The following PTPRG variants were observed in gnomAD, a reference collection of about 807,000 sequenced individuals.
PTPRG encodes protein tyrosine phosphatase receptor type G, also known as receptor-type tyrosine-protein phosphatase gamma.
In PTPRG, 102 loss-of-function variants were observed where a neutral mutation model predicts 165.3. That is an observed-to-expected ratio of 0.62 (90% CI 0.53 to 0.73). The LOEUF (loss-of-function observed/expected upper bound fraction) is 0.73. Ranked by LOEUF, PTPRG falls within the 30% of genes least tolerant of loss-of-function variation. PTPRG has a pLI of 0.00. For missense variants in PTPRG, 1,866 were observed against 1,861.4 expected (o/e 1.00, Z -0.05); for synonymous variants, 675 against 669.5 (o/e 1.01, Z -0.13).
chr3:61,847,937 G>A (rs1338817517), intron 2 of PTPRG, among the ~76,000 whole-genome samples: 3 of 152,168 alleles, frequency 2.0e-5, no homozygotes. Flanking sequence ...CTTCCCTTTG[G>A]ATCCAGCTTG....
At chr3:61,968,964 A>G (rs2040330248) in intron 2 of PTPRG, among the ~76,000 whole-genome samples, 1 of 152,196 alleles carries the variant, frequency 6.6e-6, no homozygotes, top group Non-Finnish European at 1.5e-5. Flanking sequence ...ATTTTACTGA[A>G]CAGATGATGT....
chr3:62,133,766 C>G (rs953080026), intron 6 of PTPRG, among the ~76,000 whole-genome samples: 1 of 152,052 alleles, frequency 6.6e-6, no homozygotes, highest in East Asian at 1.9e-4. Flanking sequence ...GGGTGGATCA[C>G]CTGAAGTCGA....
chr3:61,991,723 C>T (rs1473431467), intron 3 of PTPRG, among the ~76,000 whole-genome samples: 2 of 152,216 alleles, frequency 1.3e-5, no homozygotes, highest in African/African-American at 4.8e-5. Context: ...TGAGTACCAC[C>T]TCAGCACCAC....
intron 4 of PTPRG, among the ~76,000 whole-genome samples, chr3:62,049,437 T>C (rs1700401117): frequency 6.6e-6 from 1 of 152,234 alleles, no homozygotes; most frequent in Non-Finnish European, 1.5e-5. Context: ...CCATTTGAAA[T>C]ATTTCATTTG....
At chr3:61,848,916 A>T (rs2036880664) in intron 2 of PTPRG, among the ~76,000 whole-genome samples, 1 of 152,232 alleles carries the variant, frequency 6.6e-6, no homozygotes, top group African/African-American at 2.4e-5. Context: ...GAGGAAACTG[A>T]AGTTCAGGGA....
chr3:62,020,191 T>C (rs2041656207), intron 4 of PTPRG, among the ~76,000 whole-genome samples: 1 of 152,182 alleles, frequency 6.6e-6, no homozygotes, highest in South Asian at 2.1e-4. Context: ...GCTTTATCAC[T>C]TTGCATATTG....
rs746816776 is a variant in PTPRG, at chr3:61,595,198, TCC to T, written c.85+32827_85+32828del. Among the ~76,000 whole-genome samples the T allele has an allele frequency of 9.7e-4, 148 of 152,124 alleles. 1 individual carries two copies. Among genetic ancestry groups the T allele is most frequent in the South Asian group, 4.8e-3 (23 of 4,824 alleles). ...CAAGATGTGTTTGTTTTTTTTTTTTTCCTTTGTACTCTGAATGTGGGAACTTA... is the reference window on the plus strand; with the variant it reads ...CAAGATGTGTTTGTTTTTTTTTTTTTTTTGTACTCTGAATGTGGGAACTTA... On this transcript the variant is annotated intron_variant, in intron 1 of 29. Coordinates refer to ENST00000474889, the MANE Select transcript of PTPRG (RefSeq NM_002841.4).
At chr3:61,723,090 C>T (rs1234225347) in intron 1 of PTPRG, among the ~76,000 whole-genome samples, 1 of 152,008 alleles carries the variant, frequency 6.6e-6, no homozygotes, top group Non-Finnish European at 1.5e-5. Flanking sequence ...TTCTGATTTC[C>T]TGTCTCCTTT....
chr3:62,191,009 C>T (rs1036390529), intron 8 of PTPRG, among the ~76,000 whole-genome samples: 3 of 152,180 alleles, frequency 2.0e-5, no homozygotes, highest in Admixed American at 6.5e-5. Flanking sequence ...AGAGGAGAAG[C>T]GTCAGAATGC....
Position 62,188,502 on chromosome 3 carries a change from C to T in PTPRG, c.1034-2967C>T, listed in dbSNP as rs368022647. 1.3e-5 allele frequency among the ~76,000 whole-genome samples: 2 copies of T among 152,184 alleles called. 1 individual carries two copies. Among genetic ancestry groups the T allele is most frequent in the South Asian group, 4.1e-4 (2 of 4,832 alleles). On this transcript the variant is annotated intron_variant, in intron 8 of 29. Transcript: ENST00000474889. ...GTTGGAGTCCCAGAATGTTCACAAT[C>T]GTTTTCTCTGGGCACTGAGATTTGG...
At chr3:62,062,818 A>G (rs1298704595) in intron 4 of PTPRG, among the ~76,000 whole-genome samples, 1 of 152,110 alleles carries the variant, frequency 6.6e-6, no homozygotes, top group Non-Finnish European at 1.5e-5. Context: ...ATGTGCCACC[A>G]TGCCCAGTTA....
chr3:61,643,129 T>A (rs997576829), intron 1 of PTPRG, among the ~76,000 whole-genome samples: 1 of 152,160 alleles, frequency 6.6e-6, no homozygotes, highest in Non-Finnish European at 1.5e-5. Context: ...ATGGAAAACC[T>A]ACAGATTAAA....
chr3:62,282,045 GT>G (rs1312472923), intron 27 of PTPRG, among the ~76,000 whole-genome samples: 1 of 151,984 alleles, frequency 6.6e-6, no homozygotes, highest in African/African-American at 2.4e-5. Context: ...GTTTTTTTAA[GT>G]AAATATTTTG....
At chr3:62,029,268 A>G (rs1035874932) in intron 4 of PTPRG, among the ~76,000 whole-genome samples, 20 of 152,218 alleles carry the variant, frequency 1.3e-4, no homozygotes, top group African/African-American at 4.8e-4. Context: ...GGACTAACAC[A>G]GGTCCGAGTT....
At position 61,653,645 on chromosome 3, in the gene PTPRG, G is replaced by A. The variant is rs1246888366; in HGVS notation, c.85+91273G>A. Among the ~76,000 whole-genome samples, 3 of 152,246 alleles carry A rather than the reference G, an allele frequency of 2.0e-5. No individual in the cohort carries two copies. In the East Asian group the frequency reaches 5.8e-4, roughly 29 times the overall value. ...TAGCTAAATCATTGCATATGTCTTT[G>A]TTTTGTTAGGATTCGTCGTGCCCTG... On this transcript the variant is annotated intron_variant, in intron 1 of 29. Coordinates refer to ENST00000474889, the MANE Select transcript of PTPRG (RefSeq NM_002841.4).
intron 2 of PTPRG, among the ~76,000 whole-genome samples, chr3:61,926,781 T>A (rs1450416881): frequency 6.6e-6 from 1 of 152,092 alleles, no homozygotes; most frequent in East Asian, 1.9e-4. Flanking sequence ...GTACATTTTA[T>A]GGTGTTTAGT....
At chr3:61,700,301 G>C (rs1450513881) in intron 1 of PTPRG, among the ~76,000 whole-genome samples, 1 of 152,114 alleles carries the variant, frequency 6.6e-6, no homozygotes, top group Non-Finnish European at 1.5e-5. Context: ...ATCCAGATCT[G>C]TTTTCTTCTT....
At chr3:62,171,193 C>G (rs893155777) in intron 8 of PTPRG, among the ~76,000 whole-genome samples, 12 of 152,090 alleles carry the variant, frequency 7.9e-5, no homozygotes, top group African/African-American at 2.9e-4. Flanking sequence ...AGATTATTTT[C>G]AAGTCTGGGT....
At position 61,738,324 on chromosome 3, in the gene PTPRG, A is replaced by ATGTATATATATATGTG. The variant is rs1553657854; in HGVS notation, c.86-10553_86-10552insGTATATATATATGTGT. Among the ~76,000 whole-genome samples, 31 of 93,648 alleles carry ATGTATATATATATGTG rather than the reference A, an allele frequency of 3.3e-4. 5 individuals carry two copies. Among genetic ancestry groups the ATGTATATATATATGTG allele is most frequent in the Admixed American group, 1.1e-3 (9 of 8,390 alleles). 61.4% of individuals were successfully genotyped at this position (93,648 alleles called of 152,430 possible). ...TATATATATATATACATATATATAT[A>ATGTATATATATATGTG]TATATATATATATGTATATATATAT... On this transcript the variant is annotated intron_variant, in intron 1 of 29. Transcript: ENST00000474889.
Sources: gnomAD v4.1 joint callset for allele counts (sites outside exome capture counted in the v4.1 genomes callset) on GRCh38, gnomAD v4.1.1 for gene constraint, MANE v1.5 for transcripts, NCBI Gene and HGNC (gene_info 2026-07-23, HGNC 2026-07-21) for gene names.